Variants in RSPH4A observed in about 807,000 individuals in gnomAD.
The protein encoded by RSPH4A is radial spoke head component 4A, also known as radial spoke head protein 4 homolog A.
RSPH4A carries 47 observed loss-of-function variants against 71.0 expected under a neutral mutation model. The ratio of observed to expected loss-of-function variants is 0.66; its 90% confidence interval spans 0.52 to 0.84. The LOEUF is 0.84. Ranked by LOEUF, RSPH4A falls within the 40% of genes least tolerant of loss-of-function variation. RSPH4A has a pLI of 0.00. For synonymous variants in RSPH4A, 282 were observed against 302.3 expected (o/e 0.93, Z 0.70); for missense variants, 793 against 855.2 (o/e 0.93, Z 0.91).
intron 2 of RSPH4A, among the ~76,000 whole-genome samples, chr6:116,625,053 T>G (rs1314741661): frequency 5.5e-5 from 1 of 18,088 alleles, no homozygotes; most frequent in Admixed American, 4.8e-4. Flanking sequence ...TTCCAAGCCT[T>G]AAGGATAATC....
chr6:116,627,663 CT>C lies in RSPH4A; in HGVS notation c.961del (p.Tyr321IlefsTer44). ...GCTCTTCCAAATGTAATGGAGTCAG[CT>C]TTTTATTTTGAACAAGCTGGAGTTG... ...ENALPNVMES[A>X]FYFEQAGVGL... On this transcript the variant is annotated frameshift_variant, in exon 3 of 6. Coordinates refer to ENST00000229554, the MANE Select transcript of RSPH4A (RefSeq NM_001010892.3). LOFTEE classifies it high-confidence loss of function. 1 of 1,614,158 alleles carries C rather than the reference CT, an allele frequency of 6.2e-7. No individual in the cohort carries two copies. The highest frequency in any genetic ancestry group is 8.5e-7 in the Non-Finnish European group (1 of 1,180,016).
At chr6:116,626,362 T>C (rs1775692832) in intron 2 of RSPH4A, among the ~76,000 whole-genome samples, 1 of 152,158 alleles carries the variant, frequency 6.6e-6, no homozygotes, top group Admixed American at 6.5e-5. Context: ...TTTTTCTTTT[T>C]CTTTTTTTTG....
chr6:116,627,117 AATGAGT>A (rs1331172820), intron 2 of RSPH4A, among the ~76,000 whole-genome samples: 2 of 152,236 alleles, frequency 1.3e-5, no homozygotes, highest in African/African-American at 4.8e-5. Context: ...ATTATACATT[AATGAGT>A]ATAAGATACA....
Position 116,616,569 on chromosome 6 carries a change from T to G in RSPH4A, c.-55T>G. The G allele has an allele frequency of 1.4e-6, 2 of 1,452,650 alleles. No individual in the cohort carries two copies. The highest frequency in any genetic ancestry group is 1.9e-6 in the Non-Finnish European group (2 of 1,052,480). 90.0% of individuals were successfully genotyped at this position (1,452,650 alleles called of 1,614,324 possible). A position where few individuals can be genotyped will look rare whatever the true frequency, so the allele number is the denominator to read the frequency against. The stretch of plus-strand genomic sequence containing the variant: ...AAAGTAACTTAACTGAGTTGCCTTC[T>G]TCCATATTTTCACGCCCCTTTCATC... On this transcript the variant is annotated 5_prime_UTR_variant, in exon 1 of 6. Coordinates refer to ENST00000229554, the MANE Select transcript of RSPH4A (RefSeq NM_001010892.3).
chr6:116,629,784 C>A lies in RSPH4A; in HGVS notation c.1798+82C>A. 7 of 1,331,728 alleles carry A rather than the reference C, an allele frequency of 5.3e-6. No homozygotes were observed. In the South Asian group the frequency reaches 6.0e-5, roughly 11 times the overall value. 82.5% of individuals were successfully genotyped at this position (1,331,728 alleles called of 1,614,324 possible). ...TGCATTATATAGTAAATATGAGAGT[C>A]GGAAAGCTCTAAAAACTGGACAGGA... On this transcript the variant is annotated intron_variant, in intron 4 of 5. Transcript: ENST00000229554.
chr6:116,620,228 A>C (rs1427918967), intron 1 of RSPH4A, among the ~76,000 whole-genome samples: 1 of 152,238 alleles, frequency 6.6e-6, no homozygotes, highest in Non-Finnish European at 1.5e-5. Flanking sequence ...CAATGTGAAA[A>C]CATAAAATTT....
chr6:116,628,367 CAGGT>C lies in RSPH4A; in HGVS notation c.1662+2_1662+5del, dbSNP rs768986129. ...TCATCATGTACAGCATATTCTCTCT[CAGGT>C]AGGAGCTTTGCACTTCTCAATCTAT... On this transcript the variant is annotated splice_donor_variant and coding_sequence_variant, in exon 3 of 6. Transcript: ENST00000229554. LOFTEE classifies it high-confidence loss of function. The C allele has an allele frequency of 5.8e-5, 93 of 1,609,174 alleles. No homozygotes were observed. Among genetic ancestry groups the C allele is most frequent in the Non-Finnish European group, 7.6e-5 (89 of 1,176,280 alleles).
chr6:116,628,982 A>C (rs192616635), intron 3 of RSPH4A, among the ~76,000 whole-genome samples: 1 of 152,274 alleles, frequency 6.6e-6, no homozygotes, highest in Non-Finnish European at 1.5e-5. Context: ...GAAATGTGAC[A>C]AAAGGAACAT....
Position 116,632,363 on chromosome 6 carries a change from T to G in RSPH4A, c.2073T>G (p.Ala691=). ...TGGAGGAGGAGCAGGCTTTCAGGGC[T>G]GCACAAGAAGCAGTTCTACTCGCAG... ...PSVEEEQAFR[A]AQEAVLLAAE... is the part of the protein sequence containing the mutation. Residue 691 remains alanine (A), a synonymous_variant, in exon 6 of 6, where the codon GCT becomes GCG. Coordinates refer to ENST00000229554, the MANE Select transcript of RSPH4A (RefSeq NM_001010892.3). 2.5e-6 allele frequency: 4 copies of G among 1,614,062 alleles called. No homozygotes were observed. The highest frequency in any genetic ancestry group is 3.4e-6 in the Non-Finnish European group (4 of 1,180,008).
rs2115368401 is a variant in RSPH4A, at chr6:116,632,250, CCAGA to C, written c.1963_1966del (p.Asp655IlefsTer83). On this transcript the variant is annotated frameshift_variant, in exon 6 of 6. Transcript: ENST00000229554. LOFTEE classifies it high-confidence loss of function. Reference sequence around the variant, plus strand: ...CATAGGCTGGGGTCATAAGTATAGTCCAGACAATTATACACCCCCAGTTCCACCA... The same window carrying C: ...CATAGGCTGGGGTCATAAGTATAGTCCAATTATACACCCCCAGTTCCACCA... The C allele has an allele frequency of 3.7e-6, 6 of 1,611,704 alleles. No individual in the cohort carries two copies. The highest frequency in any genetic ancestry group is 5.1e-6 in the Non-Finnish European group (6 of 1,179,588).
intron 1 of RSPH4A, 96 bp from the exon 2 acceptor site, chr6:116,622,672 C>A: frequency 1.2e-6 from 1 of 808,518 alleles, no homozygotes; most frequent in Non-Finnish European, 2.1e-6. Flanking sequence ...CATTTAACGT[C>A]TATATTTATC....
chr6:116,626,225 A>G (rs1250022349), intron 2 of RSPH4A, among the ~76,000 whole-genome samples: 1 of 152,226 alleles, frequency 6.6e-6, no homozygotes, highest in Non-Finnish European at 1.5e-5. Flanking sequence ...TTATAAGAGC[A>G]TATCATTTGT....
chr6:116,627,944 G>T lies in RSPH4A; in HGVS notation c.1237G>T (p.Ala413Ser), dbSNP rs754023097. The T allele has an allele frequency of 1.9e-6, 3 of 1,613,982 alleles. No homozygotes were observed. In the African/African-American group the frequency reaches 4.0e-5, roughly 22 times the overall value. Residue 413 changes from alanine (A) to serine (S), a missense_variant, in exon 3 of 6, where the codon GCC becomes TCC. Physicochemically the swap from Ala to Ser is moderately conservative, Grantham distance 99 (BLOSUM62 1). Coordinates refer to ENST00000229554, the MANE Select transcript of RSPH4A (RefSeq NM_001010892.3). The stretch of plus-strand genomic sequence containing the variant: ...TGAATTACCAAAGTCCTTTTACAAG[G>T]CCCCACAGGCTATACCAAAAGAAGA... ...EDELPKSFYK[A>S]PQAIPKEESR...
Position 116,616,995 on chromosome 6 carries a change from TC to T in RSPH4A, c.374del (p.Pro125LeufsTer42), listed in dbSNP as rs764572415. The T allele has an allele frequency of 7.4e-6, 12 of 1,614,190 alleles. No individual in the cohort carries two copies. Among genetic ancestry groups the T allele is most frequent in the Non-Finnish European group, 1.0e-5 (12 of 1,180,030 alleles). On this transcript the variant is annotated frameshift_variant, in exon 1 of 6. Coordinates refer to ENST00000229554, the MANE Select transcript of RSPH4A (RefSeq NM_001010892.3). LOFTEE classifies it high-confidence loss of function. ...TGATTCCTGAAGCTGGGACACCTTATCCTGATCCTTTGGAACAATCATCTGA... is the reference window on the plus strand; with the variant it reads ...TGATTCCTGAAGCTGGGACACCTTATCTGATCCTTTGGAACAATCATCTGA... ...SVIPEAGTPYPDPLEQSSDKR... is the reference protein window; with the variant it reads ...SVIPEAGTPYXDPLEQSSDKR...
At chr6:116,623,298 C>T in intron 2 of RSPH4A, among the ~76,000 whole-genome samples, 1 of 152,112 alleles carries the variant, frequency 6.6e-6, no homozygotes, top group South Asian at 2.1e-4. Context: ...ATTGGCCAAG[C>T]TGGTCTCAAA....
At position 116,623,097 on chromosome 6, in the gene RSPH4A, C is replaced by CTTGTTTTGTTTTGTTTTGTT. The variant is rs3033963; in HGVS notation, c.921+107_921+126dup. On this transcript the variant is annotated intron_variant, in intron 2 of 5. Transcript: ENST00000229554. ...AATTCATACCAACTGTATTTTATAG[C>CTTGTTTTGTTTTGTTTTGTT]TTGTTTTGTTTTGTTTTGTTTTGTT... 6.3e-3 allele frequency: 4,814 copies of CTTGTTTTGTTTTGTTTTGTT among 762,742 alleles called. 114 individuals carry two copies. The highest frequency in any genetic ancestry group is 0.05 in the African/African-American group (2,788 of 55,810). The allele number at this position is 762,742 out of a possible 1,614,324, so 47.2% of individuals were successfully genotyped here. A position where few individuals can be genotyped will look rare whatever the true frequency, so the allele number is the denominator to read the frequency against.
chr6:116,622,389 G>A (rs1775624742), intron 1 of RSPH4A, among the ~76,000 whole-genome samples: 1 of 152,160 alleles, frequency 6.6e-6, no homozygotes, highest in African/African-American at 2.4e-5. Context: ...ATGTGAAAAT[G>A]TACCTGATGT....
rs1169864679 is a variant in RSPH4A at position 116,616,541 on chromosome 6, G to A, written c.-83G>A. 8.1e-7 allele frequency: 1 copy of A among 1,236,062 alleles called. No individual in the cohort carries two copies. The allele number at this position is 1,236,062 out of a possible 1,614,324, so 76.6% of individuals were successfully genotyped here. A position where few individuals can be genotyped will look rare whatever the true frequency, so the allele number is the denominator to read the frequency against. Reference sequence around the variant, plus strand: ...ACCCAGAAATCGCTTAAGAGACCGCGGCAAAGTAACTTAACTGAGTTGCCT... The same window carrying A: ...ACCCAGAAATCGCTTAAGAGACCGCAGCAAAGTAACTTAACTGAGTTGCCT... On this transcript the variant is annotated 5_prime_UTR_variant, in exon 1 of 6. Coordinates refer to ENST00000229554, the MANE Select transcript of RSPH4A (RefSeq NM_001010892.3).
chr6:116,623,779 T>C (rs906384994), intron 2 of RSPH4A, among the ~76,000 whole-genome samples: 8 of 152,176 alleles, frequency 5.3e-5, no homozygotes, highest in Admixed American at 5.2e-4. Context: ...CTCCTTATAT[T>C]ATGACTTGAT....
Sources: allele counts gnomAD v4.1 joint callset (sites outside exome capture counted in the v4.1 genomes callset), GRCh38; gene constraint gnomAD v4.1.1; transcripts MANE v1.5; gene names NCBI Gene and HGNC (gene_info 2026-07-23, HGNC 2026-07-21).